PARP4: variants seen among roughly 807,000 people sequenced by gnomAD.
PARP4 encodes protein mono-ADP-ribosyltransferase PARP4.
PARP4 carries 120 observed loss-of-function variants against 187.7 expected under a neutral mutation model. That is an observed-to-expected ratio of 0.64 (90% confidence interval 0.55 to 0.74). The LOEUF (loss-of-function observed/expected upper bound fraction) is 0.74. Among genes scored for constraint, PARP4 ranks in the 30% least tolerant of loss-of-function variants. The probability of loss-of-function intolerance (pLI) is 0.00; values close to 1 mark genes in which losing one functional copy is unlikely to be tolerated. For synonymous variants in PARP4, 654 were observed against 740.9 expected (o/e 0.88, Z 1.90); for missense variants, 1,836 against 2,070.5 (o/e 0.89, Z 2.20).
At chr13:24,446,080 G>A (rs1372311289) in intron 27 of PARP4, among the ~76,000 whole-genome samples, 4 of 152,166 alleles carry the variant, frequency 2.6e-5, no homozygotes, top group East Asian at 3.8e-4. Flanking sequence ...CTCAATATAC[G>A]ATATGATCTA....
At chr13:24,450,393 T>TC (rs918426453) in intron 24 of PARP4, among the ~76,000 whole-genome samples, 1 of 150,630 alleles carries the variant, frequency 6.6e-6, no homozygotes, top group African/African-American at 2.4e-5. Context: ...CCTGAAATAT[T>TC]AAAGAAAACA....
At chr13:24,483,417 C>A (rs1256481446) in intron 12 of PARP4, among the ~76,000 whole-genome samples, 2 of 117,834 alleles carry the variant, frequency 1.7e-5, no homozygotes, top group Admixed American at 9.3e-5. Flanking sequence ...ACCCGGGAAG[C>A]GGAGCTTGCA....
In PARP4 at chr13:24,452,471, C is replaced by T. The variant is rs759908718; in HGVS notation, c.2949G>A (p.Glu983=). Residue 983 remains glutamate, a synonymous_variant, in exon 24 of 34, where the codon GAG becomes GAA. Coordinates refer to ENST00000381989, the MANE Select transcript of PARP4 (RefSeq NM_006437.4). ...TCTTCACGAGCTGTAATGTCAGGCT[C>T]TCATCCTGGAGGTGCCCATCAGACA... ...LLVSDGHLQD[E]SLTLQLVKRS... is the part of the protein sequence containing the mutation. 1.9e-6 allele frequency: 3 copies of T among 1,614,134 alleles called. No individual in the cohort carries two copies. The highest frequency in any genetic ancestry group is 1.7e-6 in the Non-Finnish European group (2 of 1,180,004).
chr13:24,507,074 G>A (rs879647800), intron 1 of PARP4, among the ~76,000 whole-genome samples: 42 of 149,054 alleles, frequency 2.8e-4, no homozygotes, highest in Non-Finnish European at 5.6e-4. Flanking sequence ...ACTGTCCGGG[G>A]CCGGCGGGGC....
At chr13:24,425,569 G>GTGTATCTATATC (rs1491353761) in intron 33 of PARP4, among the ~76,000 whole-genome samples, 3 of 136,732 alleles carry the variant, frequency 2.2e-5, no homozygotes, top group African/African-American at 8.5e-5. Context: ...GTGTGTGTGT[G>GTGTATCTATATC]TATATCTATA....
chr13:24,489,608 C>CA (rs1033349938), intron 10 of PARP4, among the ~76,000 whole-genome samples: 8 of 151,484 alleles, frequency 5.3e-5, no homozygotes, highest in African/African-American at 1.9e-4. Flanking sequence ...GACTCCGTCT[C>CA]AAAAAAATAA....
intron 11 of PARP4, among the ~76,000 whole-genome samples, chr13:24,485,340 T>C (rs1290314804): frequency 6.6e-6 from 1 of 152,170 alleles, no homozygotes; most frequent in Admixed American, 6.5e-5. Context: ...ATAAAAAAAA[T>C]ATGTTGTAGA....
chr13:24,496,697 ACTCT>A (rs1868976094), intron 6 of PARP4, among the ~76,000 whole-genome samples: 2 of 152,020 alleles, frequency 1.3e-5, no homozygotes, highest in Non-Finnish European at 1.5e-5. Flanking sequence ...TGTGAGGGCC[ACTCT>A]CACGGAGAAG....
At chr13:24,491,121 CA>C (rs1197142484) in intron 9 of PARP4, among the ~76,000 whole-genome samples, 4 of 150,060 alleles carry the variant, frequency 2.7e-5, no homozygotes, top group Non-Finnish European at 4.4e-5. Flanking sequence ...TCATGACTGA[CA>C]TTTTTTTTTT....
chr13:24,470,847 T>A (rs1872700276), intron 15 of PARP4, among the ~76,000 whole-genome samples: 1 of 150,750 alleles, frequency 6.6e-6, no homozygotes, highest in African/African-American at 2.4e-5. Flanking sequence ...CCAGGCAAAA[T>A]TTTTCAAGGA....
chr13:24,484,320 C>T (rs1222959375), intron 12 of PARP4, among the ~76,000 whole-genome samples: 2 of 152,116 alleles, frequency 1.3e-5, no homozygotes, highest in South Asian at 2.1e-4. Flanking sequence ...GTTCTATTAG[C>T]GCCACCATGC....
chr13:24,502,518 T>C (rs1460244142), intron 2 of PARP4, among the ~76,000 whole-genome samples: 1 of 152,258 alleles, frequency 6.6e-6, no homozygotes, highest in Non-Finnish European at 1.5e-5. Context: ...CATGGCAGCG[T>C]GCTCCTCAGC....
At chr13:24,450,946 G>A in intron 24 of PARP4, among the ~76,000 whole-genome samples, 1 of 152,090 alleles carries the variant, frequency 6.6e-6, no homozygotes, top group East Asian at 1.9e-4. Flanking sequence ...CCTGACCATG[G>A]CTCACTACAG....
intron 20 of PARP4, among the ~76,000 whole-genome samples, chr13:24,458,472 G>A (rs1374722558): frequency 1.3e-5 from 2 of 151,904 alleles, no homozygotes; most frequent in Admixed American, 1.3e-4. Context: ...AGCTACTCAG[G>A]AGCCTGAAGC....
At position 24,428,637 on chromosome 13, in the gene PARP4, A is replaced by G. The variant is rs1870178027; in HGVS notation, c.4847-2039T>C. Among the ~76,000 whole-genome samples, 3 of 152,214 alleles carry G rather than the reference A, an allele frequency of 2.0e-5. No individual in the cohort carries two copies. The South Asian group carries it at 6.2e-4, about 32-fold the overall frequency. On this transcript the variant is annotated intron_variant, in intron 32 of 33. Transcript: ENST00000381989. The stretch of plus-strand genomic sequence containing the variant: ...GCTGGGACCACAGGTACACGCCACC[A>G]TGCCTGGCTAATTTTTGTAGAGATG...
chr13:24,476,708 G>A (rs531988561), intron 14 of PARP4, among the ~76,000 whole-genome samples: 2 of 152,142 alleles, frequency 1.3e-5, no homozygotes, highest in Non-Finnish European at 2.9e-5. Flanking sequence ...AATAATTTGA[G>A]CATGGTCAAA....
chr13:24,449,686 TA>T, intron 25 of PARP4, 31 bp downstream of exon 25: 1 of 1,140,044 alleles, frequency 8.8e-7, no homozygotes, highest in Non-Finnish European at 1.3e-6. Flanking sequence ...TTTCCAAACA[TA>T]AATATAAAAC....
At chr13:24,443,365 G>A (rs932344241) in intron 28 of PARP4, among the ~76,000 whole-genome samples, 5 of 151,962 alleles carry the variant, frequency 3.3e-5, no homozygotes, top group African/African-American at 1.2e-4. Flanking sequence ...TCCACTACAG[G>A]CACTCAGCGA....
At chr13:24,496,029 G>A (rs1475515157) in intron 6 of PARP4, among the ~76,000 whole-genome samples, 2 of 151,444 alleles carry the variant, frequency 1.3e-5, no homozygotes, top group African/African-American at 2.4e-5. Flanking sequence ...GGATGTCCTG[G>A]CCTACACGAT....
Sources: gnomAD v4.1 joint callset for allele counts (sites outside exome capture counted in the v4.1 genomes callset) on GRCh38, gnomAD v4.1.1 for gene constraint, MANE v1.5 for transcripts, NCBI Gene and HGNC (gene_info 2026-07-23, HGNC 2026-07-21) for gene names.